The following NRXN1 variants were observed in gnomAD, a reference collection of about 807,000 sequenced individuals.
The protein encoded by NRXN1 is neurexin-1.
Under a neutral mutation model 150.9 loss-of-function variants are expected in NRXN1, and 39 were observed. The ratio of observed to expected loss-of-function variants is 0.26; its 90% confidence interval spans 0.20 to 0.34. NRXN1 has a LOEUF of 0.34. Ranked by LOEUF, NRXN1 falls within the 10% of genes least tolerant of loss-of-function variation. NRXN1 has a pLI of 1.00. For synonymous variants in NRXN1, 924 were observed against 757.0 expected (o/e 1.22, Z -3.62); for missense variants, 1,815 against 1,949.9 (o/e 0.93, Z 1.30).
chr2:50,725,268 T>C (rs2105155164), intron 5 of NRXN1, among the ~76,000 whole-genome samples: 1 of 152,120 alleles, frequency 6.6e-6, no homozygotes, highest in Admixed American at 6.6e-5. Flanking sequence ...TTCTGTAATT[T>C]TGTGTTTCCT....
At chr2:50,433,812 T>C (rs1401725764) in intron 17 of NRXN1, among the ~76,000 whole-genome samples, 2 of 151,880 alleles carry the variant, frequency 1.3e-5, no homozygotes, top group African/African-American at 2.4e-5. Context: ...AAATGATAAA[T>C]AGGTTGCAGA....
intron 17 of NRXN1, among the ~76,000 whole-genome samples, chr2:50,385,328 C>G (rs1194603114): frequency 2.0e-5 from 3 of 152,198 alleles, no homozygotes; most frequent in Non-Finnish European, 4.4e-5. Context: ...CAATTTACTT[C>G]TCTCTGCAGT....
chr2:50,661,267 G>T (rs994634735), intron 5 of NRXN1, among the ~76,000 whole-genome samples: 1 of 151,946 alleles, frequency 6.6e-6, no homozygotes, highest in African/African-American at 2.4e-5. Flanking sequence ...GGAAGAAAAG[G>T]TTCAGGAAAA....
intron 8 of NRXN1, among the ~76,000 whole-genome samples, chr2:50,572,859 T>C (rs574864488): frequency 6.6e-6 from 1 of 152,326 alleles, no homozygotes; most frequent in Admixed American, 6.5e-5. Flanking sequence ...GGTCAAGGTA[T>C]TGAGACATTT....
At chr2:50,569,978 G>T (rs1222003953) in intron 8 of NRXN1, among the ~76,000 whole-genome samples, 2 of 152,158 alleles carry the variant, frequency 1.3e-5, no homozygotes, top group Non-Finnish European at 2.9e-5. Context: ...GTCTAATACG[G>T]ATGCTCTCAA....
At chr2:50,354,269 C>G (rs1572651162) in intron 17 of NRXN1, among the ~76,000 whole-genome samples, 2 of 152,058 alleles carry the variant, frequency 1.3e-5, no homozygotes, top group East Asian at 1.9e-4. Context: ...TATTTTCCTT[C>G]TCATCTTTTG....
intron 5 of NRXN1, among the ~76,000 whole-genome samples, chr2:50,866,063 AT>A (rs1676899317): frequency 6.6e-6 from 1 of 151,718 alleles, no homozygotes; most frequent in African/African-American, 2.4e-5. Flanking sequence ...ATTTGGCCAA[AT>A]TGGTCTGTCT....
At chr2:50,661,649 A>G (rs1341124509) in intron 5 of NRXN1, among the ~76,000 whole-genome samples, 7 of 152,070 alleles carry the variant, frequency 4.6e-5, no homozygotes, top group Non-Finnish European at 7.4e-5. Context: ...GAGTGACAGC[A>G]TCAATATACC....
At chr2:50,615,537 T>C (rs1421707308) in intron 8 of NRXN1, 2 of 151,874 alleles carry the variant, frequency 1.3e-5, no homozygotes, top group Admixed American at 6.6e-5. Flanking sequence ...GAGGGGGAGA[T>C]TAATGAGGGA....
intron 2 of NRXN1, among the ~76,000 whole-genome samples, chr2:50,932,641 G>C (rs997002956): frequency 1.3e-5 from 2 of 151,894 alleles, no homozygotes; most frequent in Non-Finnish European, 2.9e-5. Context: ...ACACTGCTCG[G>C]GTGATGGGTG....
chr2:50,758,548 T>C (rs542825393), intron 5 of NRXN1, among the ~76,000 whole-genome samples: 2 of 151,876 alleles, frequency 1.3e-5, no homozygotes, highest in Non-Finnish European at 2.9e-5. Context: ...GCTCAAGCAA[T>C]CCTTCTGCTT....
In NRXN1 at chr2:50,757,834, A is replaced by T. The variant is rs761896072; in HGVS notation, c.833-134219T>A. On this transcript the variant is annotated intron_variant, in intron 5 of 22. Coordinates refer to ENST00000401669, the MANE Select transcript of NRXN1 (RefSeq NM_001330078.2). ...TTGATGCATGCTGTGAAAGTGCAAG[A>T]CATAAGTTATTCTCAATATTGTGAG... 4.2e-4 allele frequency: 63 copies of T among 151,624 alleles called. 2 individuals carry two copies. Among genetic ancestry groups the T allele is most frequent in the Non-Finnish European group, 4.4e-5 (3 of 67,814 alleles). The allele number at this position is 151,624 out of a possible 1,614,324, so 9.4% of individuals were successfully genotyped here.
chr2:50,999,423 G>C (rs574056706), intron 2 of NRXN1, among the ~76,000 whole-genome samples: 1 of 151,932 alleles, frequency 6.6e-6, no homozygotes, highest in South Asian at 2.1e-4. Flanking sequence ...TGAAAGATTA[G>C]GGAGGAGTAA....
intron 5 of NRXN1, chr2:50,739,153 T>C (rs1040609267): frequency 2.1e-5 from 7 of 331,358 alleles, no homozygotes; most frequent in Non-Finnish European, 3.8e-5. Context: ...CACAAATCTG[T>C]AGATGTCAAA....
intron 18 of NRXN1, among the ~76,000 whole-genome samples, chr2:50,128,716 T>C (rs1250836685): frequency 6.6e-6 from 1 of 152,082 alleles, no homozygotes; most frequent in East Asian, 1.9e-4. Context: ...ATGCGGTGGC[T>C]CAAGCCTGCA....
chr2:50,915,880 G>C (rs1222724996), intron 5 of NRXN1, among the ~76,000 whole-genome samples: 1 of 150,070 alleles, frequency 6.7e-6, no homozygotes, highest in Non-Finnish European at 1.5e-5. Flanking sequence ...CCATATTACA[G>C]ATCATAAGGT....
intron 8 of NRXN1, among the ~76,000 whole-genome samples, chr2:50,573,996 T>C (rs1021037319): frequency 2.4e-4 from 36 of 152,122 alleles, no homozygotes; most frequent in Admixed American, 9.8e-4. Context: ...CAGATGGTTA[T>C]ATCATATAAC....
chr2:50,868,273 T>G (rs1677259216), intron 5 of NRXN1, among the ~76,000 whole-genome samples: 1 of 150,134 alleles, frequency 6.7e-6, no homozygotes, highest in African/African-American at 2.5e-5. Flanking sequence ...ACTGGAAGTC[T>G]TTATGTGAAA....
intron 17 of NRXN1, among the ~76,000 whole-genome samples, chr2:50,264,545 C>CAT (rs1553341512): frequency 6.6e-6 from 1 of 151,774 alleles, no homozygotes; most frequent in Admixed American, 6.6e-5. Flanking sequence ...AAATATATAT[C>CAT]ATATATATGT....
Sources: gnomAD v4.1 joint callset for allele counts (sites outside exome capture counted in the v4.1 genomes callset) on GRCh38, gnomAD v4.1.1 for gene constraint, MANE v1.5 for transcripts, NCBI Gene and HGNC (gene_info 2026-07-23, HGNC 2026-07-21) for gene names.